The following DPP10 variants were observed in gnomAD, a reference collection of about 807,000 sequenced individuals.
The protein encoded by DPP10 is inactive dipeptidyl peptidase 10.
Under a neutral mutation model 120.9 loss-of-function variants are expected in DPP10, and 33 were observed. The ratio of observed to expected loss-of-function variants is 0.27; its 90% CI spans 0.21 to 0.37. The LOEUF is 0.37. Ranked by LOEUF, DPP10 falls within the 10% of genes least tolerant of loss-of-function variation. DPP10 has a pLI of 1.00. For missense variants in DPP10, 816 were observed against 942.8 expected (o/e 0.87, Z 1.76); for synonymous variants, 337 against 326.1 (o/e 1.03, Z -0.36).
intron 1 of DPP10, among the ~76,000 whole-genome samples, chr2:114,653,130 G>A (rs1696731816): frequency 6.6e-6 from 1 of 151,842 alleles, no homozygotes; most frequent in South Asian, 2.1e-4. Flanking sequence ...CTTGAAACCT[G>A]TGACTATGAC....
At position 114,480,807 on chromosome 2, in the gene DPP10, C is replaced by T. The variant is rs142090246; in HGVS notation, c.60+37969C>T. Among the ~76,000 whole-genome samples the T allele has an allele frequency of 6.6e-4, 100 of 151,358 alleles. 2 individuals are homozygous for T. The highest frequency in any genetic ancestry group is 2.3e-3 in the African/African-American group (94 of 41,248). On this transcript the variant is annotated intron_variant, in intron 1 of 25. Coordinates refer to ENST00000410059, the MANE Select transcript of DPP10 (RefSeq NM_020868.6). ...CACCAACATGGCACATGTATACATA[C>T]GTAACAAACCTTCACGTTGTGCACA...
At chr2:114,720,803 C>A (rs1310204522) in intron 1 of DPP10, among the ~76,000 whole-genome samples, 1 of 152,188 alleles carries the variant, frequency 6.6e-6, no homozygotes, top group East Asian at 1.9e-4. Flanking sequence ...AGACTGTGAG[C>A]AGAACTTATA....
chr2:115,815,710 G>A lies in DPP10; in HGVS notation c.1931G>A (p.Arg644Lys). 6.2e-7 allele frequency: 1 copy of A among 1,600,180 alleles called. No individual in the cohort carries two copies. The highest frequency in any genetic ancestry group is 8.5e-7 in the Non-Finnish European group (1 of 1,171,926). Residue 644 changes from arginine to lysine, a missense_variant, in exon 21 of 26, where the codon AGA becomes AAA. Physicochemically the swap from Arg to Lys is conservative, Grantham distance 26. Around this residue, in one of 3 missense-constraint regions of DPP10, gnomAD observed 592 missense variants for 649.0 expected, o/e 0.91. Transcript: ENST00000410059. Reference sequence around the variant, plus strand: ...AAACTGCCTTACATTGACTCCAAAAGATTAAGCATTTTTGGAAAGGTAAAT... The same window carrying A: ...AAACTGCCTTACATTGACTCCAAAAAATTAAGCATTTTTGGAAAGGTAAAT... ...LLKLPYIDSK[R>K]LSIFGKGYGG...
rs536613631 is a variant in DPP10 at position 115,358,053 on chromosome 2, G to A, written c.271+14141G>A. On this transcript the variant is annotated intron_variant, in intron 3 of 25. Coordinates refer to ENST00000410059, the MANE Select transcript of DPP10 (RefSeq NM_020868.6). The stretch of plus-strand genomic sequence containing the variant: ...TGCGATGGGAGGGGCTGCTGTGAAG[G>A]TCTCTGACATGCCCTGGAGACATTT... Among the ~76,000 whole-genome samples, 10 of 152,192 alleles carry A rather than the reference G, an allele frequency of 6.6e-5. No homozygotes were observed. In the East Asian group the frequency reaches 1.7e-3, roughly 27 times the overall value.
chr2:115,641,473 C>T lies in DPP10; in HGVS notation c.442-48214C>T, dbSNP rs1025576669. On this transcript the variant is annotated intron_variant, in intron 5 of 25. Coordinates refer to ENST00000410059, the MANE Select transcript of DPP10 (RefSeq NM_020868.6). ...CTGCTCTTCCCGTTCATTTCCAATA[C>T]TACCTCTTCAGAGAGACCTCTTTAA... 2.6e-4 allele frequency among the ~76,000 whole-genome samples: 40 copies of T among 152,130 alleles called. 1 individual carries two copies. Among genetic ancestry groups the T allele is most frequent in the African/African-American group, 9.4e-4 (39 of 41,428 alleles).
At chr2:115,828,371 C>T (rs533438144) in intron 21 of DPP10, among the ~76,000 whole-genome samples, 3 of 151,820 alleles carry the variant, frequency 2.0e-5, no homozygotes, top group African/African-American at 4.8e-5. Context: ...ATATGTCTTA[C>T]GCTTCAGTTT....
intron 9 of DPP10, among the ~76,000 whole-genome samples, chr2:115,742,457 T>G (rs1257239334): frequency 1.3e-5 from 2 of 152,148 alleles, no homozygotes; most frequent in Non-Finnish European, 2.9e-5. Flanking sequence ...ACCATTAATA[T>G]TTATTAGAAG....
intron 3 of DPP10, among the ~76,000 whole-genome samples, chr2:115,417,319 A>C (rs2069519904): frequency 6.6e-6 from 1 of 152,204 alleles, no homozygotes; most frequent in Non-Finnish European, 1.5e-5. Flanking sequence ...TTTAGCTCTT[A>C]GAAAATGATG....
At chr2:114,895,618 C>A (rs1344717951) in intron 1 of DPP10, among the ~76,000 whole-genome samples, 4 of 152,182 alleles carry the variant, frequency 2.6e-5, no homozygotes, top group Non-Finnish European at 5.9e-5. Flanking sequence ...CAGTGAACAG[C>A]CTCCACTTCC....
In DPP10 at chr2:115,657,156, CTT is replaced by C. The variant is rs2088438494; in HGVS notation, c.442-32528_442-32527del. Among the ~76,000 whole-genome samples the C allele has an allele frequency of 2.0e-5, 3 of 151,628 alleles. No homozygotes were observed. In the South Asian group the frequency reaches 6.2e-4, roughly 31 times the overall value. On this transcript the variant is annotated intron_variant, in intron 5 of 25. Transcript: ENST00000410059. Reference sequence around the variant, plus strand: ...TAAGGAATAAATTTAACATAAACCTCTTTTATTTGCTTATTCAAATTTATTTA... The same window carrying C: ...TAAGGAATAAATTTAACATAAACCTCTTATTTGCTTATTCAAATTTATTTA...
chr2:115,028,536 T>C (rs1177816328), intron 1 of DPP10, among the ~76,000 whole-genome samples: 3 of 152,124 alleles, frequency 2.0e-5, no homozygotes, highest in Admixed American at 2.0e-4. Context: ...ATGTTCCATG[T>C]ACTTATGAAA....
intron 1 of DPP10, among the ~76,000 whole-genome samples, chr2:114,848,944 G>T (rs1189503309): frequency 6.6e-6 from 1 of 152,146 alleles, no homozygotes; most frequent in Admixed American, 6.5e-5. Flanking sequence ...ATGACTTCCT[G>T]GTTCACAGCA....
intron 1 of DPP10, among the ~76,000 whole-genome samples, chr2:114,561,470 G>A (rs1260195019): frequency 6.6e-6 from 1 of 151,646 alleles, no homozygotes; most frequent in Non-Finnish European, 1.5e-5. Context: ...ATACACACAC[G>A]ACACACCACA....
rs1412780266 is a variant in DPP10 at position 115,397,514 on chromosome 2, T to C, written c.271+53602T>C. Among the ~76,000 whole-genome samples the C allele has an allele frequency of 2.0e-5, 3 of 152,336 alleles. No individual in the cohort carries two copies. The East Asian group carries it at 5.8e-4, about 29-fold the overall frequency. Reference sequence around the variant, plus strand: ...AGTCTTCTGACATTCAATAAAATTGTTATAATTGGGTTAGACATATATGAA... The same window carrying C: ...AGTCTTCTGACATTCAATAAAATTGCTATAATTGGGTTAGACATATATGAA... On this transcript the variant is annotated intron_variant, in intron 3 of 25. Transcript: ENST00000410059.
intron 1 of DPP10, among the ~76,000 whole-genome samples, chr2:114,781,649 T>C (rs1682336854): frequency 6.6e-6 from 1 of 152,100 alleles, no homozygotes; most frequent in Non-Finnish European, 1.5e-5. Flanking sequence ...CCTAACAGCC[T>C]ACATATGTGG....
intron 1 of DPP10, among the ~76,000 whole-genome samples, chr2:115,062,472 C>A (rs1706494170): frequency 1.3e-5 from 2 of 152,106 alleles, no homozygotes; most frequent in Non-Finnish European, 2.9e-5. Flanking sequence ...ACCTATCAAC[C>A]CATCACCTAG....
At chr2:114,834,809 A>G (rs1224076586) in intron 1 of DPP10, among the ~76,000 whole-genome samples, 2 of 149,040 alleles carry the variant, frequency 1.3e-5, no homozygotes, top group African/African-American at 5.1e-5. Flanking sequence ...ATGTATATAT[A>G]AGCCATGTCT....
At chr2:115,511,908 G>T in intron 4 of DPP10, among the ~76,000 whole-genome samples, 1 of 150,874 alleles carries the variant, frequency 6.6e-6, no homozygotes, top group East Asian at 2.0e-4. Flanking sequence ...TTTAAAAAAA[G>T]TTTTGTCACA....
At chr2:115,531,276 G>C (rs762326938) in intron 5 of DPP10, among the ~76,000 whole-genome samples, 1 of 151,848 alleles carries the variant, frequency 6.6e-6, no homozygotes, top group Non-Finnish European at 1.5e-5. Context: ...CTCTAGGAGT[G>C]GGCCCAGCAA....
Sources: gnomAD v4.1 joint callset for allele counts (sites outside exome capture counted in the v4.1 genomes callset) on GRCh38, gnomAD v4.1.1 for gene constraint, gnomAD v4.1.1 regional missense constraint, MANE v1.5 for transcripts, NCBI Gene and HGNC (gene_info 2026-07-23, HGNC 2026-07-21) for gene names.